PPP1R9A: variants seen among roughly 807,000 people sequenced by gnomAD.
PPP1R9A encodes protein phosphatase 1 regulatory subunit 9A, also known as neurabin-1.
Under a neutral mutation model 141.9 loss-of-function variants are expected in PPP1R9A, and 59 were observed. The observed-to-expected ratio is 0.42, with a 90% CI of 0.34 to 0.52. PPP1R9A has a LOEUF of 0.52. Among genes scored for constraint, PPP1R9A ranks in the 20% least tolerant of loss-of-function variants. The probability of loss-of-function intolerance (pLI) is 0.10; values close to 1 mark genes in which losing one functional copy is unlikely to be tolerated. For missense variants in PPP1R9A, 1,444 were observed against 1,611.9 expected, an observed-to-expected ratio of 0.90 and a Z score of 1.78; for synonymous variants, 500 against 569.7, an observed-to-expected ratio of 0.88 and a Z score of 1.74.
intron 12 of PPP1R9A, among the ~76,000 whole-genome samples, chr7:95,264,582 T>C (rs762373464): frequency 4.1e-4 from 62 of 152,288 alleles, no homozygotes; most frequent in Non-Finnish European, 7.4e-4. Flanking sequence ...TTTTAAAGGA[T>C]CCAATTTGTA....
At chr7:95,159,309 T>C (rs1358250920) in intron 4 of PPP1R9A, among the ~76,000 whole-genome samples, 3 of 152,230 alleles carry the variant, frequency 2.0e-5, no homozygotes, top group African/African-American at 4.8e-5. Flanking sequence ...GTATACATCA[T>C]AATTTTTGAA....
At chr7:94,989,348 G>A (rs1487130122) in intron 2 of PPP1R9A, among the ~76,000 whole-genome samples, 2 of 152,100 alleles carry the variant, frequency 1.3e-5, no homozygotes, top group Non-Finnish European at 2.9e-5. Flanking sequence ...ACAAATTTAT[G>A]TGGAGTAAAG....
At chr7:95,051,868 GTCTC>G (rs1810860610) in intron 2 of PPP1R9A, among the ~76,000 whole-genome samples, 2 of 143,838 alleles carry the variant, frequency 1.4e-5, no homozygotes, top group Non-Finnish European at 3.0e-5. Context: ...TTGAGACAGA[GTCTC>G]TCTCTCACTC....
chr7:94,935,488 C>T (rs1794672543), intron 2 of PPP1R9A, among the ~76,000 whole-genome samples: 1 of 152,128 alleles, frequency 6.6e-6, no homozygotes, highest in Admixed American at 6.6e-5. Flanking sequence ...ATGCAGGGCC[C>T]CTGAAAGACC....
chr7:94,939,010 T>A (rs1462157290), intron 2 of PPP1R9A, among the ~76,000 whole-genome samples: 1 of 152,126 alleles, frequency 6.6e-6, no homozygotes, highest in Non-Finnish European at 1.5e-5. Flanking sequence ...GCAAATATAT[T>A]AGTATTATTT....
intron 8 of PPP1R9A, among the ~76,000 whole-genome samples, chr7:95,238,925 A>G (rs576035385): frequency 5.9e-5 from 9 of 152,152 alleles, no homozygotes; most frequent in Admixed American, 4.6e-4. Flanking sequence ...AATAGTCTAT[A>G]TTTTTTATTT....
intron 3 of PPP1R9A, among the ~76,000 whole-genome samples, chr7:95,117,642 A>T (rs1378769582): frequency 1.3e-5 from 2 of 152,178 alleles, no homozygotes; most frequent in African/African-American, 2.4e-5. Flanking sequence ...TTTTCACTCA[A>T]GATAGTTGCA....
intron 2 of PPP1R9A, among the ~76,000 whole-genome samples, chr7:95,013,949 A>G (rs1446727496): frequency 6.6e-6 from 1 of 152,126 alleles, no homozygotes; most frequent in Non-Finnish European, 1.5e-5. Flanking sequence ...TAAATGAAAA[A>G]TGGAAACATT....
chr7:95,132,187 A>G (rs1824772937), intron 4 of PPP1R9A, among the ~76,000 whole-genome samples: 2 of 152,062 alleles, frequency 1.3e-5, no homozygotes, highest in African/African-American at 2.4e-5. Context: ...TCTTTCTCTT[A>G]CCTGATTGCT....
At chr7:95,038,951 C>T (rs376848528) in intron 2 of PPP1R9A, among the ~76,000 whole-genome samples, 24 of 152,194 alleles carry the variant, frequency 1.6e-4, no homozygotes, top group African/African-American at 5.8e-4. Flanking sequence ...CCTCTAGCAC[C>T]CTACAGCAAA....
At chr7:95,246,241 A>T (rs991525602) in intron 8 of PPP1R9A, among the ~76,000 whole-genome samples, 1 of 152,126 alleles carries the variant, frequency 6.6e-6, no homozygotes, top group Non-Finnish European at 1.5e-5. Context: ...GCTGAGGTTT[A>T]TGAGGTGCTG....
At chr7:95,083,435 A>G (rs1402730636) in intron 2 of PPP1R9A, among the ~76,000 whole-genome samples, 1 of 151,956 alleles carries the variant, frequency 6.6e-6, no homozygotes, top group African/African-American at 2.4e-5. Flanking sequence ...GGCCTGTTTC[A>G]GGGAGGAATG....
chr7:95,258,259 G>A (rs1799905621), intron 12 of PPP1R9A, among the ~76,000 whole-genome samples: 1 of 152,124 alleles, frequency 6.6e-6, no homozygotes. Flanking sequence ...GCATTTCTCT[G>A]ATGGCCAGTG....
intron 5 of PPP1R9A, among the ~76,000 whole-genome samples, chr7:95,173,767 G>T (rs912718911): frequency 2.6e-5 from 4 of 151,990 alleles, no homozygotes; most frequent in African/African-American, 9.7e-5. Context: ...AACATGAAAT[G>T]CTGCTTAACA....
At chr7:94,909,843 A>G in intron 1 of PPP1R9A, 55 bp from the exon 2 acceptor site, 1 of 288,098 alleles carries the variant, frequency 3.5e-6, no homozygotes, top group Non-Finnish European at 6.5e-6. Flanking sequence ...TTATTTGACT[A>G]GACATAAATT....
chr7:95,051,676 C>G (rs1368055100), intron 2 of PPP1R9A, among the ~76,000 whole-genome samples: 1 of 152,032 alleles, frequency 6.6e-6, no homozygotes, highest in Non-Finnish European at 1.5e-5. Flanking sequence ...CAGTTTGCTA[C>G]TATTGGAACA....
intron 5 of PPP1R9A, among the ~76,000 whole-genome samples, chr7:95,171,741 G>C (rs556240614): frequency 6.6e-6 from 1 of 151,574 alleles, no homozygotes; most frequent in African/African-American, 2.4e-5. Flanking sequence ...CTTAGCATTA[G>C]ATGGAGAAAT....
At chr7:95,216,954 T>C (rs1385329217) in intron 7 of PPP1R9A, among the ~76,000 whole-genome samples, 1 of 152,160 alleles carries the variant, frequency 6.6e-6, no homozygotes, top group Middle Eastern at 3.2e-3. Context: ...TTGAATACCC[T>C]TTATTTCTTT....
intron 2 of PPP1R9A, among the ~76,000 whole-genome samples, chr7:95,092,044 G>C (rs1455538594): frequency 6.6e-6 from 1 of 152,084 alleles, no homozygotes; most frequent in Non-Finnish European, 1.5e-5. Context: ...GATGGTAGCT[G>C]CACTTCTCCT....
Sources: gnomAD v4.1 joint callset for allele counts (sites outside exome capture counted in the v4.1 genomes callset) on GRCh38, gnomAD v4.1.1 for gene constraint, MANE v1.5 for transcripts, NCBI Gene and HGNC (gene_info 2026-07-23, HGNC 2026-07-21) for gene names.